The following AP1G1 variants were observed in gnomAD, a reference collection of about 807,000 sequenced individuals.
The protein encoded by AP1G1 is adaptor related protein complex 1 subunit gamma 1.
Under a neutral mutation model 108.3 loss-of-function variants are expected in AP1G1, and 7 were observed. The ratio of observed to expected loss-of-function variants is 0.06; its 90% CI spans 0.04 to 0.12. The LOEUF is 0.12. Ranked by LOEUF, AP1G1 falls within the 10% of genes least tolerant of loss-of-function variation. AP1G1 has a pLI of 1.00. For synonymous variants in AP1G1, 379 were observed against 353.5 expected (o/e 1.07, Z -0.81); for missense variants, 756 against 1,010.7 (o/e 0.75, Z 3.42).
In AP1G1 at chr16:71,745,632, G is replaced by A. The variant is rs760741135; in HGVS notation, c.1731-18C>T. The A allele has an allele frequency of 8.7e-6, 14 of 1,607,950 alleles. No individual in the cohort carries two copies. The highest frequency in any genetic ancestry group is 1.2e-5 in the Non-Finnish European group (14 of 1,174,474). On this transcript the variant is annotated intron_variant, in intron 17 of 22. Transcript: ENST00000299980. ...GGGCAGACCTAGAAGAATCTGAAGT[G>A]GTTAAATTCTAGGCAGTTAACCTAG...
At chr16:71,768,978 C>CAA (rs59451625) in intron 6 of AP1G1, among the ~76,000 whole-genome samples, 16,631 of 65,082 alleles carry the variant, frequency 0.26, 3,458 homozygotes, top group East Asian at 0.66. Flanking sequence ...AAAAAAAATA[C>CAA]AAAAAAAAAA....
At position 71,753,804 on chromosome 16, in the gene AP1G1, G is replaced by A. The variant is rs371922526; in HGVS notation, c.1284+29C>T. The A allele has an allele frequency of 7.2e-5, 115 of 1,599,550 alleles. 1 individual carries two copies. The highest frequency in any genetic ancestry group is 1.8e-4 in the South Asian group (16 of 90,768). On this transcript the variant is annotated intron_variant, in intron 13 of 22. Transcript: ENST00000299980. ...TAACATCAGTATATCCCAGCACTTC[G>A]TATATGCTGTCTGAAAGAAGCTACT...
chr16:71,754,323 GAGAAAGAAA>G (rs2030663738), intron 12 of AP1G1, among the ~76,000 whole-genome samples: 1 of 147,544 alleles, frequency 6.8e-6, no homozygotes, highest in African/African-American at 2.5e-5. Context: ...AAAAAAGAGA[GAGAAAGAAA>G]AGAAAGAAAA....
At chr16:71,768,029 C>T in intron 6 of AP1G1, 1 of 788,428 alleles carries the variant, frequency 1.3e-6, no homozygotes, top group Non-Finnish European at 2.1e-6. Context: ...AAAAGAACTC[C>T]TGTTAGAGCC....
intron 15 of AP1G1, among the ~76,000 whole-genome samples, chr16:71,749,484 A>C (rs1162829760): frequency 6.6e-6 from 1 of 150,886 alleles, no homozygotes; most frequent in Admixed American, 6.6e-5. Context: ...ACTCTATTAA[A>C]AAAAAAAAAA....
intron 2 of AP1G1, among the ~76,000 whole-genome samples, chr16:71,785,046 C>T (rs1270388631): frequency 6.6e-6 from 1 of 150,672 alleles, no homozygotes; most frequent in African/African-American, 2.4e-5. Context: ...ATCATTTCAA[C>T]GTATGATCAA....
intron 1 of AP1G1, among the ~76,000 whole-genome samples, chr16:71,798,087 T>G (rs1359069838): frequency 6.6e-6 from 1 of 152,188 alleles, no homozygotes; most frequent in Non-Finnish European, 1.5e-5. Flanking sequence ...ATAAAATATT[T>G]GTTGAAAGAC....
In AP1G1 at chr16:71,761,800, G is replaced by C. The variant is rs113144967; in HGVS notation, c.919-233C>G. Among the ~76,000 whole-genome samples the C allele has an allele frequency of 3.8e-3, 432 of 112,498 alleles. 7 individuals are homozygous for C. Among genetic ancestry groups the C allele is most frequent in the African/African-American group, 0.014 (410 of 28,620 alleles). 73.8% of individuals were successfully genotyped at this position (112,498 alleles called of 152,430 possible). ...CCACTGTATTCCAGTCGGAGCAACA[G>C]AGCAAGACTCCATCTCAAAAAAAAA... On this transcript the variant is annotated intron_variant, in intron 9 of 22. Transcript: ENST00000299980.
chr16:71,777,768 C>T (rs1466994809), intron 2 of AP1G1: 4 of 443,836 alleles, frequency 9.0e-6, no homozygotes, highest in Non-Finnish European at 1.4e-5. Context: ...CTTGCCTCCT[C>T]CTCCACCTTC....
At chr16:71,769,741 T>G in intron 5 of AP1G1, 42 bp from the exon 6 acceptor site, 1 of 1,476,120 alleles carries the variant, frequency 6.8e-7, no homozygotes, top group Non-Finnish European at 9.5e-7. Flanking sequence ...TGAGGCCTAT[T>G]ATTCAATTTT....
At chr16:71,794,866 C>CTTTTTTTTTTTTTTTTTTTTTTTTTT (rs2032528877) in intron 1 of AP1G1, among the ~76,000 whole-genome samples, 53 of 46,632 alleles carry the variant, frequency 1.1e-3, no homozygotes, top group Non-Finnish European at 1.4e-3. Flanking sequence ...TTTTTTTTTA[C>CTTTTTTTTTTTTTTTTTTTTTTTTTT]TTTGAAATGC....
At chr16:71,762,183 T>G (rs957292292) in intron 9 of AP1G1, among the ~76,000 whole-genome samples, 1 of 152,076 alleles carries the variant, frequency 6.6e-6, no homozygotes, top group Non-Finnish European at 1.5e-5. Context: ...ACGCAGCCAT[T>G]AAGACAGAAT....
chr16:71,751,869 CA>C (rs559501963), intron 13 of AP1G1, among the ~76,000 whole-genome samples: 1 of 151,908 alleles, frequency 6.6e-6, no homozygotes, highest in Non-Finnish European at 1.5e-5. Flanking sequence ...AAGACAGGTG[CA>C]AAAAAATCCC....
At chr16:71,776,296 C>T (rs533560221) in intron 2 of AP1G1, among the ~76,000 whole-genome samples, 6 of 152,156 alleles carry the variant, frequency 3.9e-5, no homozygotes, top group East Asian at 1.9e-4. Context: ...TATACTATCA[C>T]GAGCATTTCA....
chr16:71,765,822 T>C (rs1004442302), intron 6 of AP1G1, among the ~76,000 whole-genome samples: 25 of 152,208 alleles, frequency 1.6e-4, no homozygotes, highest in Admixed American at 9.2e-4. Context: ...ATGCAAGAGT[T>C]ATATGTAAAG....
At position 71,731,591 on chromosome 16, in the gene AP1G1, C is replaced by A. The variant is rs184945757; in HGVS notation, c.*1467G>T. Reference sequence around the variant, plus strand: ...CCTGAATACTTGAACATACATAGTACATTCAATGTGTACCACAGAGAGAGT... The same window carrying A: ...CCTGAATACTTGAACATACATAGTAAATTCAATGTGTACCACAGAGAGAGT... On this transcript the variant is annotated 3_prime_UTR_variant, in exon 23 of 23. Transcript: ENST00000299980. 4 of 152,676 alleles carry A rather than the reference C, an allele frequency of 2.6e-5. No individual in the cohort carries two copies. In the East Asian group the frequency reaches 5.8e-4, roughly 22 times the overall value. 9.5% of individuals were successfully genotyped at this position (152,676 alleles called of 1,614,324 possible). A position where few individuals can be genotyped will look rare whatever the true frequency, so the allele number is the denominator to read the frequency against.
chr16:71,785,567 C>T (rs2032170135), intron 2 of AP1G1, among the ~76,000 whole-genome samples: 1 of 117,062 alleles, frequency 8.5e-6, no homozygotes, highest in Admixed American at 1.0e-4. Flanking sequence ...AAGAGCGAAA[C>T]CCTGCCTCAA....
In AP1G1 at chr16:71,774,578, C is replaced by T; in HGVS notation, c.216G>A (p.Lys72=). ...CTGTAAATTTTTGAGAGGCAATAAG[C>T]TTGAGGCACTCCAACTGCAAAAAAA... ...PAHFGQLECL[K]LIASQKFTDK... The change falls in exon 3 of 23, where the codon AAG becomes AAA. Residue 72 remains lysine (K), a synonymous_variant. Transcript: ENST00000299980. 6.4e-7 allele frequency: 1 copy of T among 1,567,042 alleles called. No homozygotes were observed. The highest frequency in any genetic ancestry group is 8.6e-7 in the Non-Finnish European group (1 of 1,163,300).
At chr16:71,785,529 T>C (rs2032168015) in intron 2 of AP1G1, among the ~76,000 whole-genome samples, 1 of 144,288 alleles carries the variant, frequency 6.9e-6, no homozygotes. Context: ...GAGCCAAGAT[T>C]GTGCCATTGT....
Sources: allele counts gnomAD v4.1 joint callset (sites outside exome capture counted in the v4.1 genomes callset), GRCh38; gene constraint gnomAD v4.1.1; transcripts MANE v1.5; gene names NCBI Gene and HGNC (gene_info 2026-07-23, HGNC 2026-07-21).